The following ITIH5 variants were observed in gnomAD, a reference collection of about 807,000 sequenced individuals.
ITIH5 encodes inter-alpha-trypsin inhibitor heavy chain H5.
A neutral mutation model predicts 77.5 loss-of-function variants in ITIH5; 65 were observed. The observed-to-expected ratio is 0.84, with a 90% CI of 0.69 to 1.03. The LOEUF is 1.03. Ranked by LOEUF, ITIH5 falls within the 50% of genes least tolerant of loss-of-function variation. The probability of loss-of-function intolerance (pLI) is 0.00; values close to 1 mark genes in which losing one functional copy is unlikely to be tolerated. For missense variants in ITIH5, 1,208 were observed against 1,213.1 expected (o/e 1.00, Z 0.06); for synonymous variants, 525 against 494.3 (o/e 1.06, Z -0.82).
At chr10:7,626,070 G>C (rs185731966) in intron 5 of ITIH5, among the ~76,000 whole-genome samples, 2 of 152,146 alleles carry the variant, frequency 1.3e-5, no homozygotes, top group Non-Finnish European at 2.9e-5. Flanking sequence ...TTCTCTTCCC[G>C]AAAGTGTTCA....
chr10:7,653,203 TA>T (rs1421792728), intron 2 of ITIH5, among the ~76,000 whole-genome samples: 4 of 152,132 alleles, frequency 2.6e-5, no homozygotes, highest in Non-Finnish European at 5.9e-5. Context: ...ATCTGACATC[TA>T]TCAAAAAAAA....
At chr10:7,579,255 G>A (rs562360149) in intron 9 of ITIH5, among the ~76,000 whole-genome samples, 1 of 152,368 alleles carries the variant, frequency 6.6e-6, no homozygotes, top group Non-Finnish European at 1.5e-5. Flanking sequence ...GCCGGGTGTG[G>A]TGGCTCACGC....
chr10:7,655,466 TAAAG>T (rs1011459378), intron 2 of ITIH5, among the ~76,000 whole-genome samples, 161 bp downstream of exon 2: 16 of 152,286 alleles, frequency 1.1e-4, no homozygotes, highest in Middle Eastern at 3.4e-3. Context: ...AAAATCCACT[TAAAG>T]AAAGCCTTAT....
intron 2 of ITIH5, among the ~76,000 whole-genome samples, chr10:7,655,267 G>C (rs928355045): frequency 6.6e-6 from 1 of 152,108 alleles, no homozygotes; most frequent in Non-Finnish European, 1.5e-5. Context: ...TGATGCTTTA[G>C]TCTACAAATG....
rs1832047316 is a variant in ITIH5, at chr10:7,561,909, C to A, written c.*1174G>T. The A allele has an allele frequency of 6.6e-6, 1 of 152,228 alleles. No homozygotes were observed. Among genetic ancestry groups the A allele is most frequent in the East Asian group, 1.9e-4 (1 of 5,188 alleles). The allele number at this position is 152,228 out of a possible 1,614,324, so 9.4% of individuals were successfully genotyped here. A position where few individuals can be genotyped will look rare whatever the true frequency, so the allele number is the denominator to read the frequency against. On this transcript the variant is annotated 3_prime_UTR_variant, in exon 14 of 14. Coordinates refer to ENST00000397146, the MANE Select transcript of ITIH5 (RefSeq NM_030569.7). ...TGTTTCGCCCAAGCGCTCCCGGTAT[C>A]CGTCCGCTGAAGGGTGACGTTCATT...
At chr10:7,630,541 T>C (rs562817478) in intron 5 of ITIH5, among the ~76,000 whole-genome samples, 1 of 152,290 alleles carries the variant, frequency 6.6e-6, no homozygotes, top group Admixed American at 6.5e-5. Context: ...TGAGAAGTGG[T>C]TTTGGTTTGC....
At chr10:7,652,199 T>A (rs2131101668) in intron 2 of ITIH5, among the ~76,000 whole-genome samples, 1 of 152,292 alleles carries the variant, frequency 6.6e-6, no homozygotes, top group African/African-American at 2.4e-5. Context: ...TCTAATTAAT[T>A]CAGAATAAAA....
intron 9 of ITIH5, 32 bp from the exon 10 acceptor site, chr10:7,577,044 C>A (rs1033470426): frequency 1.9e-6 from 3 of 1,565,360 alleles, no homozygotes; most frequent in Non-Finnish European, 1.7e-6. Flanking sequence ...GGAGGGAGAT[C>A]AGGGCCCTGC....
At chr10:7,601,073 TG>T (rs938044617) in intron 7 of ITIH5, among the ~76,000 whole-genome samples, 2 of 152,144 alleles carry the variant, frequency 1.3e-5, no homozygotes, top group African/African-American at 2.4e-5. Flanking sequence ...TTGCTACCAG[TG>T]GGGAAAGAGC....
rs931332904 is a variant in ITIH5, at chr10:7,613,101, T to C, written c.939+2881A>G. ...CTCTACTAAAAATACAAAAATTAGC[T>C]GGGCATGGTGGCGAGCACCTGTAAT... On this transcript the variant is annotated intron_variant, in intron 7 of 13. Transcript: ENST00000397146. Among the ~76,000 whole-genome samples the C allele has an allele frequency of 6.6e-5, 10 of 152,104 alleles. No individual in the cohort carries two copies. In the South Asian group the frequency reaches 2.1e-3, roughly 32 times the overall value.
intron 7 of ITIH5, among the ~76,000 whole-genome samples, chr10:7,614,771 G>A (rs1339700271): frequency 6.6e-6 from 1 of 152,126 alleles, no homozygotes; most frequent in African/African-American, 2.4e-5. Context: ...GGCCAAAGAA[G>A]CCATTTATAA....
intron 4 of ITIH5, among the ~76,000 whole-genome samples, chr10:7,638,600 C>T (rs1833836999): frequency 6.6e-6 from 1 of 152,162 alleles, no homozygotes; most frequent in Non-Finnish European, 1.5e-5. Flanking sequence ...AGAAAGTTTA[C>T]TTCTCATGCA....
At chr10:7,645,514 A>G (rs1417607491) in intron 2 of ITIH5, among the ~76,000 whole-genome samples, 2 of 152,196 alleles carry the variant, frequency 1.3e-5, no homozygotes, top group Admixed American at 6.5e-5. Context: ...AAGCTTGAGA[A>G]TGTCTCTTTT....
At position 7,579,906 on chromosome 10, in the gene ITIH5, T is replaced by C. The variant is rs199567050; in HGVS notation, c.1267A>G (p.Thr423Ala). ...ETHTLKILNN[T>A]REAARGQVCI... ...ACTTGGCCTCGGGCGGCCTCTCGGG[T>C]GTTGTTGAGGATCTTGAGGGTGTGC... is the stretch of plus-strand genomic sequence containing the variant. The change falls in exon 9 of 14, where the codon ACC becomes GCC. Residue 423 changes from threonine (T) to alanine (A), a missense_variant. Coordinates refer to ENST00000397146, the MANE Select transcript of ITIH5 (RefSeq NM_030569.7). 4.1e-4 allele frequency: 665 copies of C among 1,613,900 alleles called. 1 individual carries two copies. The highest frequency in any genetic ancestry group is 5.3e-4 in the Non-Finnish European group (629 of 1,180,026).
chr10:7,598,402 T>C (rs1832952245), intron 7 of ITIH5, among the ~76,000 whole-genome samples: 1 of 152,198 alleles, frequency 6.6e-6, no homozygotes, highest in Non-Finnish European at 1.5e-5. Context: ...AGAAGTCATA[T>C]GTCTTCAAAT....
chr10:7,575,886 GACTTC>G (rs1402720747), intron 10 of ITIH5, among the ~76,000 whole-genome samples: 1 of 152,208 alleles, frequency 6.6e-6, no homozygotes, highest in Non-Finnish European at 1.5e-5. Flanking sequence ...TTGATGGACT[GACTTC>G]ACTAGGTGAC....
chr10:7,639,131 T>G (rs901345250), intron 4 of ITIH5, among the ~76,000 whole-genome samples: 1 of 152,090 alleles, frequency 6.6e-6, no homozygotes, highest in Non-Finnish European at 1.5e-5. Context: ...TCTAACAGAG[T>G]TAGGTTTTAA....
chr10:7,644,322 CATATCACATAT>C (rs1241886668), intron 2 of ITIH5, among the ~76,000 whole-genome samples: 2 of 147,014 alleles, frequency 1.4e-5, no homozygotes, highest in East Asian at 2.0e-4. Flanking sequence ...ATATATCATA[CATATCACATAT>C]ATATCACATA....
intron 2 of ITIH5, among the ~76,000 whole-genome samples, chr10:7,647,966 GGGCACAGT>G (rs1008746283): frequency 2.0e-5 from 3 of 151,976 alleles, no homozygotes; most frequent in African/African-American, 7.3e-5. Flanking sequence ...CACAGTGGCC[GGGCACAGT>G]GGCTCATGCC....
Sources: gnomAD v4.1 joint callset for allele counts (sites outside exome capture counted in the v4.1 genomes callset) on GRCh38, gnomAD v4.1.1 for gene constraint, MANE v1.5 for transcripts, NCBI Gene and HGNC (gene_info 2026-07-23, HGNC 2026-07-21) for gene names.